GALNT13: variants seen among roughly 807,000 people sequenced by gnomAD.
GALNT13 encodes the protein UDP-GalNAc:polypeptide N-acetylgalactosaminyltransferase 13.
Under a neutral mutation model 64.2 loss-of-function variants are expected in GALNT13, and 28 were observed. The ratio of observed to expected loss-of-function variants is 0.44; its 90% CI spans 0.32 to 0.60. The LOEUF (loss-of-function observed/expected upper bound fraction) is 0.60, where lower values mean the gene tolerates loss of function less well. Ranked by LOEUF, GALNT13 falls within the 20% of genes least tolerant of loss-of-function variation. GALNT13 has a pLI of 0.05. For synonymous variants in GALNT13, 214 were observed against 224.6 expected, an observed-to-expected ratio of 0.95 and a Z score of 0.42; for missense variants, 577 against 669.8, an observed-to-expected ratio of 0.86 and a Z score of 1.53.
At chr2:154,397,516 T>G (rs1474180061) in intron 10 of GALNT13, among the ~76,000 whole-genome samples, 1 of 152,244 alleles carries the variant, frequency 6.6e-6, no homozygotes, top group Non-Finnish European at 1.5e-5. Flanking sequence ...AAAATGCCAT[T>G]GTTGTAGACC....
chr2:153,910,260 T>C (rs1489034606), intron 2 of GALNT13, among the ~76,000 whole-genome samples: 3 of 152,152 alleles, frequency 2.0e-5, no homozygotes, highest in African/African-American at 7.2e-5. Context: ...TGGTTATATA[T>C]GTGTGTTTCT....
the GALNT13 span, among the ~76,000 whole-genome samples, chr2:153,108,199 T>C: frequency 6.6e-6 from 1 of 152,274 alleles, no homozygotes; most frequent in African/African-American, 2.4e-5. Context: ...GTCTTATAGG[T>C]GGTTCATAGT....
At chr2:153,945,298 G>T (rs1019107568) in intron 3 of GALNT13, among the ~76,000 whole-genome samples, 2 of 152,128 alleles carry the variant, frequency 1.3e-5, no homozygotes, top group African/African-American at 2.4e-5. Context: ...AAGCCATAGA[G>T]ATTTGTTTTC....
chr2:153,474,344 AGT>A, the GALNT13 span, among the ~76,000 whole-genome samples: 5 of 152,298 alleles, frequency 3.3e-5, no homozygotes, highest in South Asian at 1.0e-3. Context: ...ATCTCAGCCC[AGT>A]GTGTCTTTCC....
the GALNT13 span, among the ~76,000 whole-genome samples, chr2:153,756,013 A>C: frequency 6.6e-6 from 1 of 152,128 alleles, no homozygotes; most frequent in Non-Finnish European, 1.5e-5. Context: ...GCCTTGGAAA[A>C]ATATATTCCT....
the GALNT13 span, among the ~76,000 whole-genome samples, chr2:153,237,918 C>T: frequency 1.1e-4 from 16 of 152,006 alleles, no homozygotes; most frequent in African/African-American, 3.9e-4. Flanking sequence ...AACTGTTCTC[C>T]ATAGTGATTG....
chr2:153,794,527 T>TTA, the GALNT13 span, among the ~76,000 whole-genome samples: 1 of 151,588 alleles, frequency 6.6e-6, no homozygotes, highest in African/African-American at 2.4e-5. Context: ...AGAATAACTT[T>TTA]TTTTTTTTTT....
At chr2:153,611,222 G>T in the GALNT13 span, among the ~76,000 whole-genome samples, 1 of 152,126 alleles carries the variant, frequency 6.6e-6, no homozygotes, top group African/African-American at 2.4e-5. Context: ...TACTAGACTA[G>T]CCAAGTATTT....
intron 9 of GALNT13, among the ~76,000 whole-genome samples, chr2:154,355,037 T>G (rs1696655493): frequency 6.6e-6 from 1 of 152,092 alleles, no homozygotes; most frequent in Admixed American, 6.6e-5. Flanking sequence ...CATTTAATTT[T>G]TACCTTTTCT....
chr2:153,133,945 G>A, the GALNT13 span, among the ~76,000 whole-genome samples: 2 of 152,194 alleles, frequency 1.3e-5, no homozygotes, highest in Non-Finnish European at 2.9e-5. Flanking sequence ...TTGACAGAAT[G>A]TCTGGGTGTT....
At chr2:153,302,324 C>A in the GALNT13 span, among the ~76,000 whole-genome samples, 2 of 152,048 alleles carry the variant, frequency 1.3e-5, no homozygotes, top group African/African-American at 4.8e-5. Flanking sequence ...ATTTTTTTTA[C>A]ATACTTGTTA....
the GALNT13 span, among the ~76,000 whole-genome samples, chr2:153,806,433 G>T: frequency 6.6e-6 from 1 of 151,952 alleles, no homozygotes; most frequent in South Asian, 2.1e-4. Flanking sequence ...GAGGAGAAGC[G>T]TGTCTCTTTA....
At chr2:153,664,951 C>G in the GALNT13 span, among the ~76,000 whole-genome samples, 1 of 152,142 alleles carries the variant, frequency 6.6e-6, no homozygotes, top group South Asian at 2.1e-4. Flanking sequence ...TTTTATACCA[C>G]TAAACTGGAG....
chr2:154,098,445 T>C (rs67566661), intron 3 of GALNT13, among the ~76,000 whole-genome samples: 8,045 of 152,096 alleles, frequency 0.053, 292 homozygotes, highest in South Asian at 0.11. Flanking sequence ...TGGTTTTGTT[T>C]ACTTATTTTT....
At chr2:154,189,513 A>G (rs1686451751) in intron 4 of GALNT13, among the ~76,000 whole-genome samples, 1 of 150,996 alleles carries the variant, frequency 6.6e-6, no homozygotes, top group African/African-American at 2.4e-5. Flanking sequence ...AGCATGCAGC[A>G]ACAAGGAAGA....
chr2:153,189,585 C>T, the GALNT13 span, among the ~76,000 whole-genome samples: 91,096 of 151,864 alleles, frequency 0.6, 28,304 homozygotes, highest in East Asian at 0.8. Context: ...CCTTTTGACA[C>T]AGTGATTTCC....
the GALNT13 span, chr2:153,478,308 G>A: frequency 6.2e-7 from 1 of 1,614,140 alleles, no homozygotes; most frequent in Non-Finnish European, 8.5e-7. Flanking sequence ...AGTTGATCAT[G>A]CCCTCGGACT....
chr2:153,515,115 A>G, the GALNT13 span, among the ~76,000 whole-genome samples: 1 of 151,900 alleles, frequency 6.6e-6, no homozygotes, highest in Non-Finnish European at 1.5e-5. Flanking sequence ...GGAGGGAGGG[A>G]TATTGTAGCC....
At chr2:153,685,723 T>A in the GALNT13 span, among the ~76,000 whole-genome samples, 619 of 152,180 alleles carry the variant, frequency 4.1e-3, 7 homozygotes, top group South Asian at 0.013. Flanking sequence ...GGCAATTTCA[T>A]CAGGATATCG....
Sources: allele counts gnomAD v4.1 joint callset (sites outside exome capture counted in the v4.1 genomes callset), GRCh38; gene constraint gnomAD v4.1.1; transcripts MANE v1.5; gene names NCBI Gene and HGNC (gene_info 2026-07-23, HGNC 2026-07-21).